Variants in LYAR observed in about 807,000 individuals in gnomAD.
The protein encoded by LYAR is cell growth-regulating nucleolar protein.
In LYAR, 37 loss-of-function variants were observed where a neutral mutation model predicts 45.2. That is an observed-to-expected ratio of 0.82 (90% CI 0.63 to 1.08). The LOEUF (loss-of-function observed/expected upper bound fraction) is 1.08, where lower values mean the gene tolerates loss of function less well. LYAR is among the 50% of genes least tolerant of loss of function. The pLI is 0.00. For synonymous variants in LYAR, 176 were observed against 155.1 expected, an observed-to-expected ratio of 1.14 and a Z score of -1.00; for missense variants, 493 against 451.0, an observed-to-expected ratio of 1.09 and a Z score of -0.84.
rs558190778 is a variant in LYAR at position 4,268,106 on chromosome 4, C to G, written c.1006-83G>C. On this transcript the variant is annotated intron_variant, in intron 9 of 9. Coordinates refer to ENST00000343470, the MANE Select transcript of LYAR (RefSeq NM_017816.3). Reference sequence around the variant, plus strand: ...TTCTGTCTTTAACCCAGAAATAGAACAACAGGAAAAAATAAAAGAAACCCA... The same window carrying G: ...TTCTGTCTTTAACCCAGAAATAGAAGAACAGGAAAAAATAAAAGAAACCCA... The G allele has an allele frequency of 3.7e-4, 463 of 1,265,840 alleles. 2 individuals are homozygous for G. In the African/African-American group the frequency reaches 6.9e-3, roughly 19 times the overall value. The allele number at this position is 1,265,840 out of a possible 1,614,324, so 78.4% of individuals were successfully genotyped here.
chr4:4,277,029 T>C (rs1719209575), intron 6 of LYAR, among the ~76,000 whole-genome samples: 2 of 152,116 alleles, frequency 1.3e-5, no homozygotes, highest in South Asian at 2.1e-4. Context: ...TCTGTCGATA[T>C]CTTCTAGTAA....
intron 6 of LYAR, among the ~76,000 whole-genome samples, chr4:4,279,133 T>C (rs1007955431): frequency 2.0e-5 from 3 of 151,510 alleles, no homozygotes; most frequent in African/African-American, 7.3e-5. Context: ...GAGACCAGCC[T>C]GCTTAACATG....
chr4:4,268,152 G>T, intron 9 of LYAR, 129 bp from the exon 10 acceptor site: 2 of 839,662 alleles, frequency 2.4e-6, no homozygotes, highest in Non-Finnish European at 3.4e-6. Flanking sequence ...ACACCGGCGT[G>T]CTCTCCTTGG....
At chr4:4,271,428 T>C (rs185745552) in intron 8 of LYAR, among the ~76,000 whole-genome samples, 121 of 152,326 alleles carry the variant, frequency 7.9e-4, no homozygotes, top group Non-Finnish European at 1.5e-3. Context: ...GCTGGACACA[T>C]AGGTTGCTCC....
intron 3 of LYAR, 145 bp downstream of exon 3, chr4:4,283,476 C>A: frequency 1.2e-6 from 1 of 839,760 alleles, no homozygotes; most frequent in Non-Finnish European, 1.8e-6. Flanking sequence ...AAGAATCACA[C>A]CAGTTTTAAT....
At chr4:4,279,849 C>T (rs567002551) in intron 4 of LYAR, 100 bp from the exon 5 acceptor site, 14 of 700,184 alleles carry the variant, frequency 2.0e-5, no homozygotes, top group Middle Eastern at 3.4e-4. Flanking sequence ...AAAGCGTTCA[C>T]GTTTTAAGCC....
Position 4,281,857 on chromosome 4 carries a change from C to G in LYAR, c.163G>C (p.Asp55His). The G allele has an allele frequency of 4.3e-6, 7 of 1,614,172 alleles. No homozygotes were observed. Among genetic ancestry groups the G allele is most frequent in the Non-Finnish European group, 5.9e-6 (7 of 1,180,018 alleles). The change falls in exon 4 of 10, where the codon GAT (aspartate) becomes CAT (histidine). Residue 55 changes from aspartate to histidine, a missense_variant. Transcript: ENST00000343470. ...YKNHVKCISE[D>H]QKYGGKGYEG... ...TAGCCTTTGCCACCATACTTCTGAT[C>G]TTCACTTATGCATTTCACGTGGTTT...
intron 8 of LYAR, among the ~76,000 whole-genome samples, chr4:4,270,383 T>C (rs182253501): frequency 3.1e-4 from 47 of 149,236 alleles, no homozygotes; most frequent in African/African-American, 1.1e-3. Context: ...AATTGATAAA[T>C]TGAACTTTAT....
Position 4,274,675 on chromosome 4 carries a change from T to C in LYAR, c.524A>G (p.Lys175Arg). The change falls in exon 7 of 10, where the codon AAA (lysine) becomes AGA (arginine). Residue 175 changes from lysine (K) to arginine (R), a missense_variant. Physicochemically the swap from Lys to Arg is conservative, Grantham distance 26. Coordinates refer to ENST00000343470, the MANE Select transcript of LYAR (RefSeq NM_017816.3). Reference protein sequence around the residue: ...ISTKVPASKVKDAVEQQGEVK... With the variant: ...ISTKVPASKVRDAVEQQGEVK... ...CTCCCCTTGCTGTTCCACGGCGTCTTTCACTTTGGAGGCTGGAACCTTGGT... is the reference window on the plus strand; with the variant it reads ...CTCCCCTTGCTGTTCCACGGCGTCTCTCACTTTGGAGGCTGGAACCTTGGT... The C allele has an allele frequency of 1.2e-6, 2 of 1,614,168 alleles. No individual in the cohort carries two copies. Among genetic ancestry groups the C allele is most frequent in the Non-Finnish European group, 8.5e-7 (1 of 1,180,028 alleles).
intron 6 of LYAR, among the ~76,000 whole-genome samples, chr4:4,278,365 A>T (rs1024962594): frequency 6.6e-6 from 1 of 152,236 alleles, no homozygotes; most frequent in Non-Finnish European, 1.5e-5. Flanking sequence ...CACAAAAATA[A>T]ACAATGTAAT....
chr4:4,285,564 A>G (rs997712056), intron 2 of LYAR, among the ~76,000 whole-genome samples: 1 of 152,256 alleles, frequency 6.6e-6, no homozygotes, highest in African/African-American at 2.4e-5. Flanking sequence ...GGAATAACTT[A>G]TTAGTCACCA....
At chr4:4,286,443 C>T (rs1418207000) in intron 2 of LYAR, 76 bp downstream of exon 2, 1 of 152,136 alleles carries the variant, frequency 6.6e-6, no homozygotes, top group Non-Finnish European at 1.5e-5. Context: ...AAAAAGCCGT[C>T]AGGTGGAAAT....
At chr4:4,288,486 CTTTT>C (rs11338207) in intron 1 of LYAR, among the ~76,000 whole-genome samples, 1 of 121,012 alleles carries the variant, frequency 8.3e-6, no homozygotes, top group African/African-American at 3.3e-5. Flanking sequence ...AATTTTTTTT[CTTTT>C]TTTTTTTTTT....
intron 8 of LYAR, among the ~76,000 whole-genome samples, chr4:4,271,440 A>G (rs1367396424): frequency 6.6e-6 from 1 of 152,172 alleles, no homozygotes; most frequent in East Asian, 1.9e-4. Flanking sequence ...GGTTGCTCCA[A>G]TCTTGGTTAT....
At chr4:4,287,055 G>C (rs1012961354) in intron 1 of LYAR, among the ~76,000 whole-genome samples, 2 of 152,162 alleles carry the variant, frequency 1.3e-5, no homozygotes, top group African/African-American at 4.8e-5. Flanking sequence ...CCAGTCTGCC[G>C]GGCTCAGATG....
rs1242729308 is a variant in LYAR at position 4,274,647 on chromosome 4, C to T, written c.552G>A (p.Val184=). 6.2e-7 allele frequency: 1 copy of T among 1,613,948 alleles called. No homozygotes were observed. The highest frequency in any genetic ancestry group is 1.3e-5 in the African/African-American group (1 of 74,864). Residue 184 remains valine (V), a synonymous_variant, in exon 7 of 10, where the codon GTG becomes GTA. Coordinates refer to ENST00000343470, the MANE Select transcript of LYAR (RefSeq NM_017816.3). ...CCTTTCTTTCTCTTTTATTCTTCTTCACCTCCCCTTGCTGTTCCACGGCGT... is the reference window on the plus strand; with the variant it reads ...CCTTTCTTTCTCTTTTATTCTTCTTTACCTCCCCTTGCTGTTCCACGGCGT... ...VKDAVEQQGE[V]KKNKRERKEE...
chr4:4,280,604 G>A (rs1321677540), intron 4 of LYAR, among the ~76,000 whole-genome samples: 1 of 152,136 alleles, frequency 6.6e-6, no homozygotes, highest in African/African-American at 2.4e-5. Flanking sequence ...CAGCAGCAGA[G>A]ACGGAACTCA....
At position 4,283,720 on chromosome 4, in the gene LYAR, G is replaced by T; in HGVS notation, c.23C>A (p.Ala8Glu). Reference sequence around the variant, plus strand: ...TATTTTCTTCACTGATTCACCACATGCATTGCATGTAAAAAATACCATTTT... The same window carrying T: ...TATTTTCTTCACTGATTCACCACATTCATTGCATGTAAAAAATACCATTTT... MVFFTCN[A>E]CGESVKKIQV... Residue 8 changes from alanine (A) to glutamate (E), a missense_variant, in exon 3 of 10, where the codon GCA (alanine) becomes GAA (glutamate). Ala to Glu is a moderately radical substitution (Grantham distance 107). Transcript: ENST00000343470. The T allele has an allele frequency of 6.2e-7, 1 of 1,611,584 alleles. No individual in the cohort carries two copies. The highest frequency in any genetic ancestry group is 8.5e-7 in the Non-Finnish European group (1 of 1,179,226).
At chr4:4,270,825 A>G (rs1359618488) in intron 8 of LYAR, among the ~76,000 whole-genome samples, 1 of 152,204 alleles carries the variant, frequency 6.6e-6, no homozygotes, top group Non-Finnish European at 1.5e-5. Context: ...ACACACTGCT[A>G]CTGGGAATAT....
Sources: allele counts gnomAD v4.1 joint callset (sites outside exome capture counted in the v4.1 genomes callset), GRCh38; gene constraint gnomAD v4.1.1; transcripts MANE v1.5; gene names NCBI Gene and HGNC (gene_info 2026-07-23, HGNC 2026-07-21).